PRR16: variants seen among roughly 807,000 people sequenced by gnomAD.
PRR16 encodes proline rich 16.
Under a neutral mutation model 18.2 loss-of-function variants are expected in PRR16, and 6 were observed. The ratio of observed to expected loss-of-function variants is 0.33; its 90% CI spans 0.18 to 0.65. The LOEUF is 0.65. PRR16 is among the 30% of genes least tolerant of loss of function. The pLI is 0.74. For synonymous variants in PRR16, 151 were observed against 147.8 expected (o/e 1.02, Z -0.16); for missense variants, 412 against 376.6 (o/e 1.09, Z -0.78).
At chr5:120,495,991 G>C (rs1274948840) in intron 1 of PRR16, among the ~76,000 whole-genome samples, 1 of 151,756 alleles carries the variant, frequency 6.6e-6, no homozygotes, top group Admixed American at 6.6e-5. Flanking sequence ...AAGTTTCTCA[G>C]TATTTTTACT....
intron 1 of PRR16, among the ~76,000 whole-genome samples, chr5:120,563,352 G>T (rs1752634956): frequency 6.6e-6 from 1 of 152,184 alleles, no homozygotes; most frequent in African/African-American, 2.4e-5. Flanking sequence ...CCAGGTCCTA[G>T]TAGGGTCTAG....
intron 1 of PRR16, among the ~76,000 whole-genome samples, chr5:120,631,850 G>C (rs995745230): frequency 3.3e-5 from 5 of 152,066 alleles, no homozygotes; most frequent in African/African-American, 9.7e-5. Context: ...GTTGTCCCTA[G>C]GGCAAGTTTA....
chr5:120,779,079 G>T, the PRR16 span, among the ~76,000 whole-genome samples: 2 of 152,066 alleles, frequency 1.3e-5, no homozygotes, highest in Non-Finnish European at 2.9e-5. Context: ...CATTTCCAAT[G>T]GAACTTAGTA....
At chr5:120,646,048 T>A (rs866390055) in intron 1 of PRR16, among the ~76,000 whole-genome samples, 30 of 104,970 alleles carry the variant, frequency 2.9e-4, no homozygotes, top group East Asian at 7.7e-4. Flanking sequence ...AATACATATT[T>A]TATATATATA....
chr5:120,535,300 TG>T (rs1324025687), intron 1 of PRR16, among the ~76,000 whole-genome samples: 1 of 152,220 alleles, frequency 6.6e-6, no homozygotes, highest in Admixed American at 6.5e-5. Flanking sequence ...AGTTAGTAAT[TG>T]GAATTCTTGT....
chr5:120,484,942 A>G (rs1441771004), intron 1 of PRR16, among the ~76,000 whole-genome samples: 2 of 151,688 alleles, frequency 1.3e-5, no homozygotes, highest in African/African-American at 4.8e-5. Flanking sequence ...TAATTCTGCG[A>G]TTTAAAACAT....
At chr5:120,770,987 T>A in the PRR16 span, among the ~76,000 whole-genome samples, 1 of 149,018 alleles carries the variant, frequency 6.7e-6, no homozygotes, top group South Asian at 2.1e-4. Flanking sequence ...ATCTTTTCTA[T>A]TTATTTGAAT....
intron 1 of PRR16, among the ~76,000 whole-genome samples, chr5:120,530,808 C>T (rs576833455): frequency 1.3e-5 from 2 of 152,194 alleles, no homozygotes; most frequent in South Asian, 2.1e-4. Context: ...CCTGCCATCA[C>T]CCAGGGTGGA....
At chr5:120,751,566 A>C in the PRR16 span, among the ~76,000 whole-genome samples, 1 of 151,972 alleles carries the variant, frequency 6.6e-6, no homozygotes, top group African/African-American at 2.4e-5. Flanking sequence ...TTAGCTTTAC[A>C]GTTTAAATTC....
At chr5:120,566,332 G>A (rs1580731722) in intron 1 of PRR16, among the ~76,000 whole-genome samples, 1 of 152,178 alleles carries the variant, frequency 6.6e-6, no homozygotes. Flanking sequence ...GAAGAACCCA[G>A]TCTGTGGTTT....
the PRR16 span, among the ~76,000 whole-genome samples, chr5:120,717,834 T>C: frequency 1.3e-5 from 2 of 152,288 alleles, no homozygotes; most frequent in East Asian, 3.9e-4. Flanking sequence ...GAAAACTTTA[T>C]AAACAACTAT....
At chr5:120,637,613 T>C (rs973740190) in intron 1 of PRR16, among the ~76,000 whole-genome samples, 1 of 146,498 alleles carries the variant, frequency 6.8e-6, no homozygotes, top group Non-Finnish European at 1.5e-5. Context: ...TGCAAAGGCA[T>C]AAGAATGATA....
intron 1 of PRR16, among the ~76,000 whole-genome samples, chr5:120,612,586 A>G (rs182555993): frequency 6.6e-6 from 1 of 152,208 alleles, no homozygotes; most frequent in African/African-American, 2.4e-5. Context: ...TTCTCTTGCC[A>G]CCACCATGTA....
At chr5:120,549,343 C>T (rs1461091604) in intron 1 of PRR16, among the ~76,000 whole-genome samples, 1 of 152,088 alleles carries the variant, frequency 6.6e-6, no homozygotes, top group African/African-American at 2.4e-5. Flanking sequence ...TCTCAAAGTG[C>T]TGAAAATATC....
intron 1 of PRR16, among the ~76,000 whole-genome samples, chr5:120,514,652 T>C (rs544255561): frequency 6.6e-6 from 1 of 152,314 alleles, no homozygotes; most frequent in South Asian, 2.1e-4. Flanking sequence ...ACCAGGTTAT[T>C]TGCAAGTGTA....
the PRR16 span, among the ~76,000 whole-genome samples, chr5:120,701,823 C>T: frequency 7.9e-5 from 12 of 152,178 alleles, no homozygotes; most frequent in African/African-American, 2.2e-4. Flanking sequence ...AATGCCTGGA[C>T]GTCAGGCACC....
At chr5:120,728,562 G>C in the PRR16 span, among the ~76,000 whole-genome samples, 1 of 152,014 alleles carries the variant, frequency 6.6e-6, no homozygotes, top group Admixed American at 6.6e-5. Context: ...GAATATAAGG[G>C]GGTGATTAGG....
At position 120,489,830 on chromosome 5, in the gene PRR16, C is replaced by A. The variant is rs1364565209; in HGVS notation, c.159+25185C>A. 4.6e-5 allele frequency among the ~76,000 whole-genome samples: 7 copies of A among 152,226 alleles called. No individual in the cohort carries two copies. In the East Asian group the frequency reaches 1.2e-3, roughly 25 times the overall value. ...CATGTTTAGTGCTTCTTCAGGAGCT[C>A]TTTTAGGGCAGGCCTGGTGGTGACA... On this transcript the variant is annotated intron_variant, in intron 1 of 1. Coordinates refer to ENST00000407149, the MANE Select transcript of PRR16 (RefSeq NM_001300783.2).
At chr5:120,539,694 A>G (rs1751846445) in intron 1 of PRR16, among the ~76,000 whole-genome samples, 1 of 152,128 alleles carries the variant, frequency 6.6e-6, no homozygotes, top group Non-Finnish European at 1.5e-5. Flanking sequence ...AAACAATGCT[A>G]TCTGTGTCAG....
Sources: allele counts gnomAD v4.1 joint callset (sites outside exome capture counted in the v4.1 genomes callset), GRCh38; gene constraint gnomAD v4.1.1; transcripts MANE v1.5; gene names NCBI Gene and HGNC (gene_info 2026-07-23, HGNC 2026-07-21).